Variants in LMF1 observed in about 807,000 individuals in gnomAD.
LMF1 encodes lipase maturation factor 1, also known as transmembrane protein 112.
LMF1 carries 68 observed loss-of-function variants against 60.6 expected under a neutral mutation model. The observed-to-expected ratio is 1.12, with a 90% confidence interval of 0.92 to 1.37. The LOEUF (loss-of-function observed/expected upper bound fraction) is 1.37. Among genes scored for constraint, LMF1 ranks in the 40% most tolerant of loss-of-function variants. The probability of loss-of-function intolerance (pLI) is 0.00; values close to 1 mark genes in which losing one functional copy is unlikely to be tolerated. For missense variants in LMF1, 948 were observed against 767.2 expected, an observed-to-expected ratio of 1.24 and a Z score of -2.78; for synonymous variants, 418 against 324.7, an observed-to-expected ratio of 1.29 and a Z score of -3.09.
intron 1 of LMF1, chr16:979,154 G>A (rs942341328): frequency 2.2e-6 from 1 of 444,750 alleles, no homozygotes; most frequent in East Asian, 7.1e-5. Context: ...TGACCCTCAA[G>A]CCATCCCGAC....
intron 2 of LMF1, among the ~76,000 whole-genome samples, chr16:938,437 T>TGGGGCTGGATGGCAGCTCGC (rs1567277522): frequency 1.3e-5 from 2 of 151,034 alleles, no homozygotes; most frequent in East Asian, 3.9e-4. Flanking sequence ...TGGCAGCTCG[T>TGGGGCTGGATGGCAGCTCGC]GGGGATGGCA....
chr16:910,740 G>A (rs1451030351), intron 4 of LMF1, among the ~76,000 whole-genome samples, 191 bp downstream of exon 4: 1 of 152,182 alleles, frequency 6.6e-6, no homozygotes, highest in African/African-American at 2.4e-5. Flanking sequence ...CCCGGGAAAA[G>A]CCAGCCGGTC....
intron 2 of LMF1, among the ~76,000 whole-genome samples, chr16:952,284 C>T (rs2072492356): frequency 6.7e-6 from 1 of 150,286 alleles, no homozygotes; most frequent in Admixed American, 6.6e-5. Context: ...CAAGTGCCCA[C>T]TCCAGCACAG....
chr16:888,082 G>C (rs1596911275), intron 5 of LMF1, among the ~76,000 whole-genome samples: 1 of 152,336 alleles, frequency 6.6e-6, no homozygotes, highest in African/African-American at 2.4e-5. Flanking sequence ...AGCATCCTTC[G>C]GCGGACGGAA....
chr16:904,089 T>C (rs1460100547), intron 4 of LMF1: 1 of 157,750 alleles, frequency 6.3e-6, no homozygotes, highest in Non-Finnish European at 1.1e-5. Flanking sequence ...GGGACGCCTG[T>C]CTCTGCTGTG....
intron 10 of LMF1, among the ~76,000 whole-genome samples, chr16:867,839 C>G (rs906552304): frequency 6.6e-6 from 1 of 152,172 alleles, no homozygotes; most frequent in Non-Finnish European, 1.5e-5. Context: ...CCGGGAGCAC[C>G]TGCCTGGGCT....
chr16:942,300 G>A (rs1465761), intron 2 of LMF1, among the ~76,000 whole-genome samples: 72,350 of 152,074 alleles, frequency 0.48, 18,863 homozygotes, highest in African/African-American at 0.69. Context: ...TGAGTGTAAC[G>A]TCTTTTTCCT....
chr16:861,065 G>T (rs1035953907), intron 10 of LMF1, among the ~76,000 whole-genome samples: 2 of 151,998 alleles, frequency 1.3e-5, no homozygotes, highest in Non-Finnish European at 2.9e-5. Flanking sequence ...AATCTGGAAG[G>T]ACCTGTCATC....
rs1158171800 is a variant in LMF1 at position 854,720 on chromosome 16, C to A, written c.1530-14G>T. The stretch of plus-strand genomic sequence containing the variant: ...CCTCGGACCCACCTGCAAGGGGGCA[C>A]ATGTCAGCCCAGGGCCTGCTGGGAC... On this transcript the variant is annotated splice_polypyrimidine_tract_variant and intron_variant, in intron 10 of 10. Coordinates refer to ENST00000262301, the MANE Select transcript of LMF1 (RefSeq NM_022773.4). 6.4e-7 allele frequency: 1 copy of A among 1,572,824 alleles called. No homozygotes were observed. Among genetic ancestry groups the A allele is most frequent in the East Asian group, 2.3e-5 (1 of 42,938 alleles).
At chr16:941,951 G>A (rs2072111246) in intron 2 of LMF1, among the ~76,000 whole-genome samples, 1 of 152,156 alleles carries the variant, frequency 6.6e-6, no homozygotes, top group African/African-American at 2.4e-5. Flanking sequence ...AAGAAATAGA[G>A]AACATTTCAT....
At chr16:873,207 A>C (rs1316465088) in intron 6 of LMF1, 2 of 152,328 alleles carry the variant, frequency 1.3e-5, no homozygotes, top group African/African-American at 4.8e-5. Context: ...GCACGGCCTG[A>C]GCGCTCCTGG....
chr16:917,680 C>T (rs992145843), intron 3 of LMF1, among the ~76,000 whole-genome samples: 36 of 152,356 alleles, frequency 2.4e-4, no homozygotes, highest in African/African-American at 8.4e-4. Flanking sequence ...GCCCCCGTAC[C>T]GGGGCTGTTT....
rs962418797 is a variant in LMF1 at position 871,297 on chromosome 16, C to T, written c.942G>A (p.Leu314=). The T allele has an allele frequency of 4.3e-6, 7 of 1,612,414 alleles. No homozygotes were observed. The highest frequency in any genetic ancestry group is 1.7e-4 in the Middle Eastern group (1 of 6,036). ...AGCAGGCCAGGCTGGGCACCATAGT[C>T]AGCCAGTTCAGGAAGCTGAGGTTCC... The part of the protein sequence containing the change: ...VSGNLSFLNW[L]TMVPSLACFD... The change falls in exon 7 of 11, where the codon CTG becomes CTA. Residue 314 remains leucine (L), a synonymous_variant. Coordinates refer to ENST00000262301, the MANE Select transcript of LMF1 (RefSeq NM_022773.4).
At chr16:932,515 T>C (rs1168943891) in intron 3 of LMF1, among the ~76,000 whole-genome samples, 1 of 152,218 alleles carries the variant, frequency 6.6e-6, no homozygotes, top group Admixed American at 6.5e-5. Context: ...TAGACACAGG[T>C]GTCAGGACCT....
chr16:943,997 T>C (rs1381544072), intron 2 of LMF1, among the ~76,000 whole-genome samples: 1 of 152,222 alleles, frequency 6.6e-6, no homozygotes, highest in Non-Finnish European at 1.5e-5. Context: ...AATGAGTCTG[T>C]CTGGTAAGCA....
chr16:970,157 A>G (rs2073010882), intron 1 of LMF1, among the ~76,000 whole-genome samples: 1 of 152,170 alleles, frequency 6.6e-6, no homozygotes, highest in Non-Finnish European at 1.5e-5. Flanking sequence ...GCTAGTCGAG[A>G]ACACTAAAGG....
chr16:856,565 T>C (rs1229125238), intron 10 of LMF1, among the ~76,000 whole-genome samples: 1 of 152,218 alleles, frequency 6.6e-6, no homozygotes, highest in African/African-American at 2.4e-5. Flanking sequence ...ATTCCTGCTC[T>C]TGCTTTCTGC....
chr16:909,728 G>T (rs1042089135), intron 4 of LMF1, among the ~76,000 whole-genome samples: 4 of 152,220 alleles, frequency 2.6e-5, no homozygotes, highest in Admixed American at 1.3e-4. Flanking sequence ...AGCTGCCCCG[G>T]GGGGACAGGG....
intron 4 of LMF1, among the ~76,000 whole-genome samples, chr16:907,096 C>G (rs1265385538): frequency 1.3e-5 from 2 of 152,170 alleles, no homozygotes; most frequent in Non-Finnish European, 2.9e-5. Context: ...CATTTTCTCC[C>G]AGCATATAGA....
Sources: gnomAD v4.1 joint callset for allele counts (sites outside exome capture counted in the v4.1 genomes callset) on GRCh38, gnomAD v4.1.1 for gene constraint, MANE v1.5 for transcripts, NCBI Gene and HGNC (gene_info 2026-07-23, HGNC 2026-07-21) for gene names.